ANGPT2: variants seen among roughly 807,000 people sequenced by gnomAD.
The protein encoded by ANGPT2 is angiopoietin 2.
Under a neutral mutation model 62.9 loss-of-function variants are expected in ANGPT2, and 28 were observed. The ratio of observed to expected loss-of-function variants is 0.44; its 90% CI spans 0.33 to 0.61. The LOEUF (loss-of-function observed/expected upper bound fraction) is 0.61, where lower values mean the gene tolerates loss of function less well. Ranked by LOEUF, ANGPT2 falls within the 20% of genes least tolerant of loss-of-function variation. The pLI is 0.03. For synonymous variants in ANGPT2, 284 were observed against 207.8 expected (o/e 1.37, Z -3.15); for missense variants, 727 against 594.9 (o/e 1.22, Z -2.31).
At chr8:6,515,831 G>A (rs1816157746) in intron 5 of ANGPT2, among the ~76,000 whole-genome samples, 1 of 152,152 alleles carries the variant, frequency 6.6e-6, no homozygotes, top group African/African-American at 2.4e-5. Flanking sequence ...AAGCTTCAAC[G>A]CACACTGTTC....
chr8:6,553,559 C>T (rs186276178), intron 1 of ANGPT2, among the ~76,000 whole-genome samples: 9 of 152,266 alleles, frequency 5.9e-5, no homozygotes, highest in Admixed American at 5.2e-4. Context: ...TATAGAACGC[C>T]TTTATTCAAA....
intron 5 of ANGPT2, among the ~76,000 whole-genome samples, chr8:6,516,788 C>T (rs981346960): frequency 6.6e-6 from 1 of 152,086 alleles, no homozygotes; most frequent in African/African-American, 2.4e-5. Context: ...TCTTCAGTGT[C>T]AAAATTACTG....
intron 1 of ANGPT2, among the ~76,000 whole-genome samples, chr8:6,545,358 A>C (rs377222535): frequency 6.6e-6 from 1 of 152,292 alleles, no homozygotes; most frequent in Non-Finnish European, 1.5e-5. Context: ...ATATCTCAAA[A>C]ATTCTTTTAA....
intron 8 of ANGPT2, among the ~76,000 whole-genome samples, chr8:6,503,945 C>G (rs1382038784): frequency 3.3e-5 from 5 of 152,166 alleles, no homozygotes; most frequent in African/African-American, 7.2e-5. Flanking sequence ...CCCCCCTTAT[C>G]TGCTATTTTT....
intron 7 of ANGPT2, 63 bp downstream of exon 7, chr8:6,513,615 G>A: frequency 2.0e-6 from 3 of 1,470,014 alleles, no homozygotes; most frequent in South Asian, 2.6e-5. Context: ...TTACAGGCGT[G>A]AGCCACCGTG....
chr8:6,504,622 G>A (rs1280936850), intron 8 of ANGPT2, among the ~76,000 whole-genome samples: 1 of 152,144 alleles, frequency 6.6e-6, no homozygotes, highest in Non-Finnish European at 1.5e-5. Context: ...GCTGTAAAGT[G>A]CTTCCTTTAA....
At position 6,521,214 on chromosome 8, in the gene ANGPT2, C is replaced by T; in HGVS notation, c.763G>A (p.Val255Ile). 1.2e-6 allele frequency: 2 copies of T among 1,613,860 alleles called. No homozygotes were observed. The highest frequency in any genetic ancestry group is 1.3e-5 in the African/African-American group (1 of 75,030). ...GACATCATAGTCAGTAAGTTATTAA[C>T]TGTCTCCATGAGATCATGTTGCTGC... Reference protein sequence around the residue: ...QKQQHDLMETVNNLLTMMSTS... With the variant: ...QKQQHDLMETINNLLTMMSTS... Residue 255 changes from valine to isoleucine, a missense_variant, in exon 4 of 9, where the codon GTT (valine) becomes ATT (isoleucine). Transcript: ENST00000629816.
intron 1 of ANGPT2, among the ~76,000 whole-genome samples, chr8:6,559,523 G>T (rs1385113224): frequency 6.6e-6 from 1 of 151,526 alleles, no homozygotes; most frequent in Non-Finnish European, 1.5e-5. Flanking sequence ...AACAAAAAAC[G>T]ATGGCAGAGG....
intron 7 of ANGPT2, among the ~76,000 whole-genome samples, chr8:6,511,803 G>A (rs1815166601): frequency 2.6e-5 from 4 of 151,830 alleles, no homozygotes; most frequent in Admixed American, 2.0e-4. Flanking sequence ...AACCATCTCA[G>A]TTTAAAATAT....
At chr8:6,551,346 T>C (rs1206479962) in intron 1 of ANGPT2, among the ~76,000 whole-genome samples, 1 of 152,208 alleles carries the variant, frequency 6.6e-6, no homozygotes, top group African/African-American at 2.4e-5. Context: ...GCATGTCAGC[T>C]GCAACGCCTT....
chr8:6,505,502 TGTATATATAGAATATATATTCTTTATATA>T lies in ANGPT2; in HGVS notation c.1328-2270_1328-2242del, dbSNP rs1813381698. ...ATAGAATATATATATTCTTTATATA[TGTATATATAGAATATATATTCTTTATATA>T]TGTATATATAGAATATATATACTTT... On this transcript the variant is annotated intron_variant, in intron 8 of 8. Transcript: ENST00000629816. Among the ~76,000 whole-genome samples, 6 of 5,072 alleles carry T rather than the reference TGTATATATAGAATATATATTCTTTATATA, an allele frequency of 1.2e-3. 1 individual carries two copies. Among genetic ancestry groups the T allele is most frequent in the Admixed American group, 0.011 (2 of 186 alleles). The allele number at this position is 5,072 out of a possible 152,430, so 3.3% of individuals were successfully genotyped here.
At chr8:6,549,292 T>G (rs570094603) in intron 1 of ANGPT2, among the ~76,000 whole-genome samples, 42 of 152,326 alleles carry the variant, frequency 2.8e-4, no homozygotes, top group African/African-American at 1.0e-3. Flanking sequence ...AAGAAGAAAC[T>G]TTAACATGCA....
chr8:6,540,052 A>G (rs1384416454), intron 1 of ANGPT2, among the ~76,000 whole-genome samples: 1 of 152,218 alleles, frequency 6.6e-6, no homozygotes, highest in Non-Finnish European at 1.5e-5. Flanking sequence ...TCTAACATTA[A>G]TAGTCCATGC....
Position 6,543,044 on chromosome 8 carries a change from A to C in ANGPT2, c.289-10557T>G, listed in dbSNP as rs138951089. Among the ~76,000 whole-genome samples, 975 of 152,236 alleles carry C rather than the reference A, an allele frequency of 6.4e-3. 12 individuals carry two copies. Among genetic ancestry groups the C allele is most frequent in the African/African-American group, 0.023 (953 of 41,524 alleles). On this transcript the variant is annotated intron_variant, in intron 1 of 8. Transcript: ENST00000629816. Reference sequence around the variant, plus strand: ...CTGATGGGAATGCTTGAGAAATCTCACAGCAGGGCTGTGCGTGCCCTGCCG... The same window carrying C: ...CTGATGGGAATGCTTGAGAAATCTCCCAGCAGGGCTGTGCGTGCCCTGCCG...
intron 1 of ANGPT2, among the ~76,000 whole-genome samples, chr8:6,561,224 T>TA (rs1825485594): frequency 6.6e-6 from 1 of 152,216 alleles, no homozygotes; most frequent in Admixed American, 6.5e-5. Context: ...GAGGGAAACT[T>TA]ACTGGAGCGC....
chr8:6,541,271 C>A (rs1821508715), intron 1 of ANGPT2, among the ~76,000 whole-genome samples: 1 of 152,148 alleles, frequency 6.6e-6, no homozygotes, highest in Non-Finnish European at 1.5e-5. Context: ...AAAAATGAGG[C>A]TTAGAGAAAG....
At chr8:6,521,132 G>A in intron 4 of ANGPT2, 46 bp downstream of exon 4, 1 of 1,531,956 alleles carries the variant, frequency 6.5e-7, no homozygotes, top group Non-Finnish European at 9.0e-7. Flanking sequence ...GTGTTTTACT[G>A]ACTAAAGGTT....
rs544758515 is a variant in ANGPT2, at chr8:6,503,381, G to A, written c.1328-120C>T. 5 of 962,562 alleles carry A rather than the reference G, an allele frequency of 5.2e-6. No individual in the cohort carries two copies. In the Admixed American group the frequency reaches 1.0e-4, roughly 19 times the overall value. 59.6% of individuals were successfully genotyped at this position (962,562 alleles called of 1,614,324 possible). On this transcript the variant is annotated intron_variant, in intron 8 of 8. Coordinates refer to ENST00000629816, the MANE Select transcript of ANGPT2 (RefSeq NM_001118887.2). Reference sequence around the variant, plus strand: ...CAGGCGTGTGGAGTAGGCACATGCAGATGATGGTGAGTATAGGATGTGCAC... The same window carrying A: ...CAGGCGTGTGGAGTAGGCACATGCAAATGATGGTGAGTATAGGATGTGCAC...
chr8:6,552,696 C>T (rs2129575019), intron 1 of ANGPT2, among the ~76,000 whole-genome samples: 1 of 152,128 alleles, frequency 6.6e-6, no homozygotes, highest in East Asian at 1.9e-4. Context: ...CATAATAACC[C>T]TACAAGTTCA....
Sources: gnomAD v4.1 joint callset for allele counts (sites outside exome capture counted in the v4.1 genomes callset) on GRCh38, gnomAD v4.1.1 for gene constraint, MANE v1.5 for transcripts, NCBI Gene and HGNC (gene_info 2026-07-23, HGNC 2026-07-21) for gene names.